Variants in BRINP3 observed in about 807,000 individuals in gnomAD.
The protein encoded by BRINP3 is BMP/retinoic acid inducible neural specific 3, also known as BMP/retinoic acid-inducible neural-specific protein 3.
In BRINP3, 19 loss-of-function variants were observed where a neutral mutation model predicts 71.0. That is an observed-to-expected ratio of 0.27 (90% CI 0.19 to 0.39). BRINP3 has a LOEUF of 0.39. BRINP3 is among the 10% of genes least tolerant of loss of function. BRINP3 has a pLI of 1.00. For synonymous variants in BRINP3, 380 were observed against 337.7 expected (o/e 1.13, Z -1.37); for missense variants, 959 against 940.8 (o/e 1.02, Z -0.25).
At chr1:190,159,412 ACAT>A (rs1030493821) in intron 7 of BRINP3, among the ~76,000 whole-genome samples, 8 of 152,146 alleles carry the variant, frequency 5.3e-5, no homozygotes, top group Admixed American at 4.6e-4. Flanking sequence ...AAAAAAGTGT[ACAT>A]GAATGTTTAT....
intron 7 of BRINP3, among the ~76,000 whole-genome samples, chr1:190,102,300 C>T (rs888550922): frequency 6.6e-5 from 10 of 152,090 alleles, no homozygotes; most frequent in African/African-American, 2.4e-4. Flanking sequence ...AAATTTAGTT[C>T]CCCTTACTTT....
At chr1:190,292,266 C>T (rs1218952812) in intron 2 of BRINP3, among the ~76,000 whole-genome samples, 5 of 151,988 alleles carry the variant, frequency 3.3e-5, no homozygotes, top group Admixed American at 3.3e-4. Flanking sequence ...ATATTGTATT[C>T]TTGAAAAGGA....
intron 6 of BRINP3, among the ~76,000 whole-genome samples, chr1:190,201,331 T>A (rs961844237): frequency 1.9e-4 from 29 of 151,884 alleles, no homozygotes; most frequent in African/African-American, 6.5e-4. Context: ...GCAGAAGAAA[T>A]TCCTAAGCAG....
intron 6 of BRINP3, among the ~76,000 whole-genome samples, chr1:190,178,013 A>G (rs1652698207): frequency 2.0e-5 from 3 of 152,206 alleles, no homozygotes; most frequent in Admixed American, 2.0e-4. Context: ...TTTAAAGCTT[A>G]TAAGAGGATT....
At chr1:190,385,799 T>C (rs533094074) in intron 2 of BRINP3, among the ~76,000 whole-genome samples, 2 of 151,466 alleles carry the variant, frequency 1.3e-5, no homozygotes, top group Non-Finnish European at 2.9e-5. Context: ...TATTGTGGCA[T>C]TATTCACAAT....
chr1:190,375,142 A>T (rs1388762365), intron 2 of BRINP3, among the ~76,000 whole-genome samples: 1 of 152,040 alleles, frequency 6.6e-6, no homozygotes, highest in Admixed American at 6.6e-5. Context: ...TTGGGAAAAT[A>T]CAACAAGGTA....
intron 4 of BRINP3, among the ~76,000 whole-genome samples, chr1:190,258,501 T>C (rs2102849254): frequency 6.6e-6 from 1 of 150,640 alleles, no homozygotes; most frequent in African/African-American, 2.4e-5. Context: ...GAAAAAAAAG[T>C]TTACCTTGAT....
At chr1:190,177,836 T>G (rs2102523591) in intron 6 of BRINP3, among the ~76,000 whole-genome samples, 1 of 152,296 alleles carries the variant, frequency 6.6e-6, no homozygotes, top group South Asian at 2.1e-4. Context: ...GTTCCACAAC[T>G]GTGGATTTAA....
chr1:190,186,429 A>T (rs1035367164), intron 6 of BRINP3, among the ~76,000 whole-genome samples: 4 of 152,012 alleles, frequency 2.6e-5, no homozygotes, highest in Non-Finnish European at 5.9e-5. Context: ...TTTATAAAAC[A>T]CCTTTTTTTG....
intron 6 of BRINP3, among the ~76,000 whole-genome samples, chr1:190,177,636 A>C (rs1652663426): frequency 6.6e-6 from 1 of 152,216 alleles, no homozygotes; most frequent in Admixed American, 6.5e-5. Flanking sequence ...AAACTCTACA[A>C]TCCGATATTT....
At chr1:190,411,842 G>T (rs1480416538) in intron 2 of BRINP3, among the ~76,000 whole-genome samples, 1 of 152,112 alleles carries the variant, frequency 6.6e-6, no homozygotes, top group Non-Finnish European at 1.5e-5. Context: ...GTGAAAGAAA[G>T]CTAAATCCTA....
chr1:190,214,103 T>C (rs560218849), intron 6 of BRINP3, among the ~76,000 whole-genome samples: 13 of 152,086 alleles, frequency 8.5e-5, no homozygotes, highest in African/African-American at 2.9e-4. Context: ...CTCTCAGAAA[T>C]AAAAACTGAG....
At chr1:190,213,234 T>C (rs1656133302) in intron 6 of BRINP3, among the ~76,000 whole-genome samples, 1 of 152,094 alleles carries the variant, frequency 6.6e-6, no homozygotes, top group African/African-American at 2.4e-5. Context: ...GGTATTGCAC[T>C]CTGTCATAGT....
chr1:190,140,872 C>T (rs1655373680), intron 7 of BRINP3, among the ~76,000 whole-genome samples: 1 of 152,102 alleles, frequency 6.6e-6, no homozygotes, highest in Non-Finnish European at 1.5e-5. Context: ...ACAGGTGCTG[C>T]CTGAAGAGAA....
At chr1:190,268,667 GACAA>G (rs1000039607) in intron 3 of BRINP3, among the ~76,000 whole-genome samples, 1 of 152,068 alleles carries the variant, frequency 6.6e-6, no homozygotes, top group Non-Finnish European at 1.5e-5. Context: ...AAATTTAATA[GACAA>G]ACTACTGCAC....
chr1:190,192,611 T>G (rs1654137414), intron 6 of BRINP3, among the ~76,000 whole-genome samples: 1 of 151,994 alleles, frequency 6.6e-6, no homozygotes, highest in South Asian at 2.1e-4. Context: ...TCAGTAAAGA[T>G]AACTATTACC....
chr1:190,161,170 T>G (rs1657327522), intron 6 of BRINP3, among the ~76,000 whole-genome samples: 1 of 152,032 alleles, frequency 6.6e-6, no homozygotes, highest in South Asian at 2.1e-4. Flanking sequence ...GCAGAAAGTT[T>G]AAGTTTAACT....
At chr1:190,468,566 C>T (rs1676919582) in intron 1 of BRINP3, among the ~76,000 whole-genome samples, 1 of 151,224 alleles carries the variant, frequency 6.6e-6, no homozygotes, top group Non-Finnish European at 1.5e-5. Context: ...CAAGAATCCT[C>T]TGAATTATTT....
rs964046027 is a variant in BRINP3, at chr1:190,364,605, A to G, written c.237-82855T>C. Among the ~76,000 whole-genome samples the G allele has an allele frequency of 9.7e-4, 147 of 152,068 alleles. 1 individual carries two copies. The highest frequency in any genetic ancestry group is 1.3e-3 in the Non-Finnish European group (91 of 67,972). ...TTATAATGGTAAATTATAACAAGCT[A>G]TATTAAATATATATTTTATGTAAAA... On this transcript the variant is annotated intron_variant, in intron 2 of 7. Transcript: ENST00000367462.
Sources: gnomAD v4.1 joint callset for allele counts (sites outside exome capture counted in the v4.1 genomes callset) on GRCh38, gnomAD v4.1.1 for gene constraint, MANE v1.5 for transcripts, NCBI Gene and HGNC (gene_info 2026-07-23, HGNC 2026-07-21) for gene names.